PLD1: variants seen among roughly 807,000 people sequenced by gnomAD.
PLD1 encodes the protein phospholipase D1.
A neutral mutation model predicts 137.1 loss-of-function variants in PLD1; 112 were observed. The observed-to-expected ratio is 0.82, with a 90% CI of 0.70 to 0.96. The LOEUF (loss-of-function observed/expected upper bound fraction) is 0.96. Among genes scored for constraint, PLD1 ranks in the 40% least tolerant of loss-of-function variants. The pLI is 0.00. For synonymous variants in PLD1, 431 were observed against 454.7 expected (o/e 0.95, Z 0.66); for missense variants, 1,321 against 1,342.0 (o/e 0.98, Z 0.24).
intron 23 of PLD1, among the ~76,000 whole-genome samples, chr3:171,628,555 C>A: frequency 6.6e-6 from 1 of 151,794 alleles, no homozygotes; most frequent in Non-Finnish European, 1.5e-5. Context: ...AGAGACACAA[C>A]CAAAAAAGAG....
chr3:171,763,984 CA>C (rs1721633158), intron 1 of PLD1, among the ~76,000 whole-genome samples: 15 of 151,780 alleles, frequency 9.9e-5, no homozygotes. Context: ...TAGTTTTTAC[CA>C]ACCTAGGAGA....
At chr3:171,790,714 C>T (rs962183270) in intron 1 of PLD1, among the ~76,000 whole-genome samples, 2 of 152,112 alleles carry the variant, frequency 1.3e-5, no homozygotes, top group Admixed American at 1.3e-4. Flanking sequence ...ATGTTGAGAG[C>T]CCCAGCAGCC....
At chr3:171,645,970 C>T (rs969676884) in intron 21 of PLD1, among the ~76,000 whole-genome samples, 3 of 151,750 alleles carry the variant, frequency 2.0e-5, no homozygotes, top group African/African-American at 4.8e-5. Context: ...ATTTCATGTC[C>T]CATTCTCTCA....
chr3:171,625,205 C>T (rs1279769479), intron 23 of PLD1, among the ~76,000 whole-genome samples: 4 of 152,322 alleles, frequency 2.6e-5, no homozygotes, highest in East Asian at 3.9e-4. Flanking sequence ...GATTATATCC[C>T]GCACATGGCT....
intron 21 of PLD1, among the ~76,000 whole-genome samples, chr3:171,650,433 T>G (rs982746928): frequency 1.3e-5 from 2 of 152,148 alleles, no homozygotes; most frequent in African/African-American, 4.8e-5. Flanking sequence ...CCAAGCTACG[T>G]TAAGCAGATG....
chr3:171,772,792 T>C (rs901897591), intron 1 of PLD1, among the ~76,000 whole-genome samples: 1 of 152,152 alleles, frequency 6.6e-6, no homozygotes, highest in Admixed American at 6.5e-5. Flanking sequence ...TATTATTAAA[T>C]TTTTCCCCAC....
chr3:171,764,934 GAAAGA>G (rs1721823576), intron 1 of PLD1, among the ~76,000 whole-genome samples: 1 of 6,280 alleles, frequency 1.6e-4, no homozygotes, highest in African/African-American at 5.2e-4. Context: ...GGAAAGAAAG[GAAAGA>G]AAGAAAGAAA....
intron 16 of PLD1, among the ~76,000 whole-genome samples, chr3:171,679,797 C>G (rs1013558395): frequency 2.6e-5 from 4 of 152,168 alleles, no homozygotes; most frequent in Non-Finnish European, 5.9e-5. Context: ...CTCCTCAGTA[C>G]AAATGAACTA....
chr3:171,808,256 G>T (rs1277863001), intron 1 of PLD1, among the ~76,000 whole-genome samples: 3 of 151,994 alleles, frequency 2.0e-5, no homozygotes, highest in African/African-American at 7.3e-5. Context: ...AAAAAATAGG[G>T]TCGGGTGCAG....
At chr3:171,636,762 T>C (rs1735164327) in intron 23 of PLD1, among the ~76,000 whole-genome samples, 1 of 152,124 alleles carries the variant, frequency 6.6e-6, no homozygotes, top group Non-Finnish European at 1.5e-5. Context: ...ATGTATATTT[T>C]TCTTGCTCAA....
At chr3:171,787,178 C>T (rs1163579277) in intron 1 of PLD1, among the ~76,000 whole-genome samples, 2 of 152,114 alleles carry the variant, frequency 1.3e-5, no homozygotes, top group African/African-American at 4.8e-5. Flanking sequence ...GCTTGTCCAC[C>T]TCTGGGCCCC....
At chr3:171,782,167 T>A (rs1722821160) in intron 1 of PLD1, among the ~76,000 whole-genome samples, 1 of 152,200 alleles carries the variant, frequency 6.6e-6, no homozygotes, top group Non-Finnish European at 1.5e-5. Flanking sequence ...ATTTTGTTAA[T>A]CTTCTAGAAA....
chr3:171,704,322 C>T (rs541142059), intron 11 of PLD1, among the ~76,000 whole-genome samples: 2 of 152,274 alleles, frequency 1.3e-5, no homozygotes, highest in South Asian at 4.1e-4. Context: ...TAAGCCTGAA[C>T]TGAAATTGGT....
chr3:171,639,840 C>CTATA (rs1447641286), intron 23 of PLD1, among the ~76,000 whole-genome samples: 3 of 119,638 alleles, frequency 2.5e-5, no homozygotes, highest in African/African-American at 1.1e-4. Flanking sequence ...CTCTCTCTCT[C>CTATA]TCTCTCTCTA....
chr3:171,737,841 G>T, intron 2 of PLD1, 51 bp downstream of exon 2: 2 of 1,563,144 alleles, frequency 1.3e-6, no homozygotes, highest in South Asian at 1.2e-5. Context: ...GTGGTCTTCC[G>T]ACCAACCGAG....
chr3:171,772,479 TAATACACACCTTGCCC>T (rs1722409536), intron 1 of PLD1, among the ~76,000 whole-genome samples: 1 of 152,158 alleles, frequency 6.6e-6, no homozygotes, highest in African/African-American at 2.4e-5. Flanking sequence ...ATTTTAGATC[TAATACACACCTTGCCC>T]ACCCCTCTAC....
At chr3:171,809,198 A>C (rs990860443) in intron 1 of PLD1, 2 of 152,226 alleles carry the variant, frequency 1.3e-5, no homozygotes, top group African/African-American at 4.8e-5. Context: ...TTATACAATT[A>C]GTCCAAAGAT....
chr3:171,674,512 A>G lies in PLD1; in HGVS notation c.2217T>C (p.His739=), dbSNP rs1297418248. ...AGAACTTACTTACCTGTACGTTAGC[A>G]TGGACAGACCCAGGCACTTGATATC... is the stretch of plus-strand genomic sequence containing the variant. ...ELRYQVPGSV[H]ANVQLLRSAA... is the part of the protein sequence containing the mutation. The change falls in exon 19 of 27, where the codon CAT becomes CAC. Residue 739 remains histidine, a synonymous_variant. Transcript: ENST00000351298. The G allele has an allele frequency of 6.3e-7, 1 of 1,583,536 alleles. No homozygotes were observed. The highest frequency in any genetic ancestry group is 1.1e-5 in the South Asian group (1 of 89,264).
chr3:171,613,062 C>T (rs1466783190), intron 24 of PLD1, among the ~76,000 whole-genome samples: 3 of 151,904 alleles, frequency 2.0e-5, no homozygotes, highest in Admixed American at 2.0e-4. Flanking sequence ...CCCAGCTGCT[C>T]GGAATGCTGA....
Sources: gnomAD v4.1 joint callset for allele counts (sites outside exome capture counted in the v4.1 genomes callset) on GRCh38, gnomAD v4.1.1 for gene constraint, MANE v1.5 for transcripts, NCBI Gene and HGNC (gene_info 2026-07-23, HGNC 2026-07-21) for gene names.